STARD13: variants seen among roughly 807,000 people sequenced by gnomAD.
STARD13 encodes the protein StAR related lipid transfer domain containing 13.
A neutral mutation model predicts 106.4 loss-of-function variants in STARD13; 62 were observed. The ratio of observed to expected loss-of-function variants is 0.58; its 90% CI spans 0.48 to 0.72. The LOEUF is 0.72. STARD13 is among the 30% of genes least tolerant of loss of function. The pLI is 0.00. For missense variants in STARD13, 1,387 were observed against 1,424.0 expected (o/e 0.97, Z 0.42); for synonymous variants, 565 against 553.0 (o/e 1.02, Z -0.31).
the STARD13 span, among the ~76,000 whole-genome samples, chr13:33,523,394 T>C: frequency 6.6e-6 from 1 of 152,180 alleles, no homozygotes; most frequent in African/African-American, 2.4e-5. Context: ...TCTTGTTTAC[T>C]GTCAGAAGGA....
intron 1 of STARD13, among the ~76,000 whole-genome samples, chr13:33,191,705 C>T (rs1886268147): frequency 6.6e-6 from 1 of 152,224 alleles, no homozygotes; most frequent in Admixed American, 6.5e-5. Flanking sequence ...GTCTCTGACA[C>T]AGCTAGCTAA....
chr13:33,364,113 T>TC, the STARD13 span, among the ~76,000 whole-genome samples: 11 of 151,448 alleles, frequency 7.3e-5, no homozygotes, highest in African/African-American at 1.2e-4. Flanking sequence ...TACTTAAGGT[T>TC]CCCCCCCACC....
At chr13:33,676,172 G>A in the STARD13 span, among the ~76,000 whole-genome samples, 13 of 152,270 alleles carry the variant, frequency 8.5e-5, no homozygotes, top group African/African-American at 2.9e-4. Flanking sequence ...ATCTTACAGA[G>A]CAGTGCCAAT....
intron 1 of STARD13, among the ~76,000 whole-genome samples, chr13:33,216,264 T>C (rs1468538739): frequency 6.6e-6 from 1 of 152,190 alleles, no homozygotes; most frequent in East Asian, 1.9e-4. Context: ...TACTTGCATA[T>C]GCATGTTTAT....
At position 33,114,442 on chromosome 13, in the gene STARD13, C is replaced by T. The variant is rs537932828; in HGVS notation, c.2282-1511G>A. Among the ~76,000 whole-genome samples the T allele has an allele frequency of 5.3e-5, 8 of 152,314 alleles. No homozygotes were observed. In the South Asian group the frequency reaches 1.0e-3, roughly 20 times the overall value. On this transcript the variant is annotated intron_variant, in intron 8 of 13. Transcript: ENST00000336934. ...AGCATGCCTTCAGTGGTCTGAAACC[C>T]GTCTCCACTCCCACCATGTCCATTG...
the STARD13 span, among the ~76,000 whole-genome samples, chr13:33,460,123 C>A: frequency 6.6e-6 from 1 of 152,080 alleles, no homozygotes; most frequent in African/African-American, 2.4e-5. Flanking sequence ...ATGTCTTCAA[C>A]TATTTTTTTC....
chr13:33,424,311 G>C, the STARD13 span, among the ~76,000 whole-genome samples: 11 of 152,198 alleles, frequency 7.2e-5, no homozygotes, highest in Admixed American at 6.5e-4. Flanking sequence ...GAGATCTTCA[G>C]GGAAATTTTT....
At chr13:33,644,796 C>T in the STARD13 span, among the ~76,000 whole-genome samples, 1 of 152,196 alleles carries the variant, frequency 6.6e-6, no homozygotes, top group Non-Finnish European at 1.5e-5. Flanking sequence ...CCACTCCCTC[C>T]CCTGGGAGTT....
the STARD13 span, among the ~76,000 whole-genome samples, chr13:33,585,166 C>T: frequency 1.3e-4 from 20 of 152,212 alleles, no homozygotes; most frequent in East Asian, 9.7e-4. Flanking sequence ...TGAACCCTTG[C>T]GCACTGCTTG....
intron 1 of STARD13, among the ~76,000 whole-genome samples, chr13:33,229,027 C>T (rs1888768117): frequency 1.3e-5 from 2 of 152,166 alleles, no homozygotes; most frequent in African/African-American, 4.8e-5. Flanking sequence ...AGCAACCATT[C>T]CAAAAGGCCA....
At chr13:33,451,568 A>G in the STARD13 span, among the ~76,000 whole-genome samples, 1 of 152,302 alleles carries the variant, frequency 6.6e-6, no homozygotes, top group South Asian at 2.1e-4. Flanking sequence ...GATCATGAGA[A>G]AAGGAGTTTT....
intron 4 of STARD13, among the ~76,000 whole-genome samples, chr13:33,132,865 C>T (rs1215045247): frequency 3.9e-5 from 6 of 152,160 alleles, no homozygotes; most frequent in Admixed American, 1.3e-4. Flanking sequence ...TACTTTCCTA[C>T]TAGTACTTTC....
At chr13:33,176,356 TC>T (rs767708491) in intron 1 of STARD13, among the ~76,000 whole-genome samples, 14 of 152,236 alleles carry the variant, frequency 9.2e-5, no homozygotes, top group Non-Finnish European at 1.5e-4. Context: ...TGGAACCCTT[TC>T]TACTTGTCTG....
the STARD13 span, among the ~76,000 whole-genome samples, chr13:33,406,305 A>G: frequency 6.6e-6 from 1 of 152,334 alleles, no homozygotes. Context: ...TGTTTTAGAT[A>G]CTATACTTGT....
the STARD13 span, among the ~76,000 whole-genome samples, chr13:33,420,620 G>A: frequency 6.6e-6 from 1 of 152,172 alleles, no homozygotes; most frequent in Admixed American, 6.5e-5. Context: ...GACATCTACA[G>A]AACTCTCCAT....
At chr13:33,482,206 T>G in the STARD13 span, among the ~76,000 whole-genome samples, 3 of 152,148 alleles carry the variant, frequency 2.0e-5, no homozygotes, top group African/African-American at 7.2e-5. Flanking sequence ...TAGGTGGACG[T>G]GCAGATCAAA....
At chr13:33,239,068 C>T (rs1342782519) in intron 1 of STARD13, among the ~76,000 whole-genome samples, 1 of 151,818 alleles carries the variant, frequency 6.6e-6, no homozygotes, top group Non-Finnish European at 1.5e-5. Flanking sequence ...CATCATTCTA[C>T]TTTCTGTGAC....
the STARD13 span, among the ~76,000 whole-genome samples, chr13:33,648,605 C>A: frequency 6.6e-6 from 1 of 152,132 alleles, no homozygotes; most frequent in East Asian, 1.9e-4. Context: ...CCTCAGTTTC[C>A]TTCTCTGTGT....
At chr13:33,300,437 C>T (rs1594236561) in intron 1 of STARD13, among the ~76,000 whole-genome samples, 1 of 152,126 alleles carries the variant, frequency 6.6e-6, no homozygotes, top group East Asian at 1.9e-4. Context: ...AAGGTCCCTT[C>T]CAAACTAAGA....
Sources: allele counts gnomAD v4.1 joint callset (sites outside exome capture counted in the v4.1 genomes callset), GRCh38; gene constraint gnomAD v4.1.1; transcripts MANE v1.5; gene names NCBI Gene and HGNC (gene_info 2026-07-23, HGNC 2026-07-21).